The following ATP13A5 variants were observed in gnomAD, a reference collection of about 807,000 sequenced individuals.
ATP13A5 encodes the protein probable cation-transporting ATPase 13A5.
A neutral mutation model predicts 150.2 loss-of-function variants in ATP13A5; 149 were observed. That is an observed-to-expected ratio of 0.99 (90% CI 0.87 to 1.14). The LOEUF (loss-of-function observed/expected upper bound fraction) is 1.14, where lower values mean the gene tolerates loss of function less well. Ranked by LOEUF, ATP13A5 falls within the 50% of genes most tolerant of loss-of-function variation. The pLI, the probability that ATP13A5 is intolerant of heterozygous loss-of-function variation, is 0.00. For missense variants in ATP13A5, 1,383 were observed against 1,449.3 expected, an observed-to-expected ratio of 0.95 and a Z score of 0.74; for synonymous variants, 497 against 522.2, an observed-to-expected ratio of 0.95 and a Z score of 0.66.
At position 193,332,425 on chromosome 3, in the gene ATP13A5, G is replaced by A. The variant is rs528160707; in HGVS notation, c.1273-1114C>T. Among the ~76,000 whole-genome samples, 18 of 152,310 alleles carry A rather than the reference G, an allele frequency of 1.2e-4. No individual in the cohort carries two copies. The South Asian group carries it at 3.7e-3, about 32-fold the overall frequency. On this transcript the variant is annotated intron_variant, in intron 11 of 29. Coordinates refer to ENST00000342358, the MANE Select transcript of ATP13A5 (RefSeq NM_198505.4). ...GAGGAGGCTCACACAATTAAGGTCA[G>A]GGATGAGGTCAAATCACAGGGTTGA...
intron 9 of ATP13A5, among the ~76,000 whole-genome samples, chr3:193,339,236 C>G (rs1287845105): frequency 6.6e-5 from 10 of 151,996 alleles, no homozygotes. Context: ...CTATTTCCTT[C>G]AGTTCTGCTC....
chr3:193,307,426 A>G, intron 21 of ATP13A5, 57 bp from the exon 22 acceptor site: 1 of 1,589,932 alleles, frequency 6.3e-7, no homozygotes. Context: ...AGCTCACTTG[A>G]ATATTTTCCA....
chr3:193,353,550 C>T (rs781671646), intron 6 of ATP13A5, among the ~76,000 whole-genome samples: 25 of 152,066 alleles, frequency 1.6e-4, no homozygotes, highest in Non-Finnish European at 3.1e-4. Flanking sequence ...GCCCTAACCC[C>T]CAGTGTGATG....
intron 5 of ATP13A5, among the ~76,000 whole-genome samples, 156 bp from the exon 6 acceptor site, chr3:193,354,352 C>A (rs1308145616): frequency 4.6e-5 from 7 of 152,104 alleles, no homozygotes; most frequent in Non-Finnish European, 1.5e-5. Flanking sequence ...TAATTCTAAA[C>A]TACTATTTTT....
At chr3:193,300,166 CT>C (rs1160453821) in intron 24 of ATP13A5, among the ~76,000 whole-genome samples, 1 of 152,154 alleles carries the variant, frequency 6.6e-6, no homozygotes, top group Admixed American at 6.5e-5. Flanking sequence ...GTCTTCTTTA[CT>C]TTTCTTTCTC....
At chr3:193,377,557 C>T (rs896492508) in intron 1 of ATP13A5, among the ~76,000 whole-genome samples, 2 of 152,176 alleles carry the variant, frequency 1.3e-5, no homozygotes, top group Non-Finnish European at 2.9e-5. Flanking sequence ...TTCTAGTGCT[C>T]AGAAACTACA....
At chr3:193,353,977 A>G (rs1299705843) in intron 6 of ATP13A5, 150 bp downstream of exon 6, 3 of 598,996 alleles carry the variant, frequency 5.0e-6, no homozygotes, top group Non-Finnish European at 8.4e-6. Flanking sequence ...ATTTTAAAGT[A>G]AACCTGAGTT....
chr3:193,304,687 G>C (rs1221825089), intron 23 of ATP13A5, among the ~76,000 whole-genome samples: 4 of 152,212 alleles, frequency 2.6e-5, no homozygotes, highest in Non-Finnish European at 4.4e-5. Flanking sequence ...AGAAATCAGA[G>C]TGGAGTGGAG....
At chr3:193,281,261 C>G (rs1041837716) in intron 27 of ATP13A5, 126 of 946,268 alleles carry the variant, frequency 1.3e-4, no homozygotes, top group Non-Finnish European at 1.5e-4. Context: ...TGATGAAGTC[C>G]TAGACCTCAC....
intron 13 of ATP13A5, among the ~76,000 whole-genome samples, chr3:193,325,787 A>G (rs908778434): frequency 2.0e-5 from 3 of 152,124 alleles, no homozygotes; most frequent in Non-Finnish European, 2.9e-5. Flanking sequence ...GGTATCTTGT[A>G]TCTTCCTCTC....
chr3:193,324,099 A>T (rs1719385397), intron 14 of ATP13A5: 1 of 152,156 alleles, frequency 6.6e-6, no homozygotes, highest in South Asian at 2.1e-4. Context: ...CGTACAGATG[A>T]GGTCACAGAC....
At position 193,311,220 on chromosome 3, in the gene ATP13A5, A is replaced by G. The variant is rs1038565315; in HGVS notation, c.2446-503T>C. 3.9e-5 allele frequency among the ~76,000 whole-genome samples: 6 copies of G among 152,202 alleles called. No individual in the cohort carries two copies. In the South Asian group the frequency reaches 6.2e-4, roughly 16 times the overall value. On this transcript the variant is annotated intron_variant, in intron 20 of 29. Coordinates refer to ENST00000342358, the MANE Select transcript of ATP13A5 (RefSeq NM_198505.4). ...AGCTTTCTAGAAGCCTTTGGGGTCTAGATTCTGTGGACTTTGACTGCTAGG... is the reference window on the plus strand; with the variant it reads ...AGCTTTCTAGAAGCCTTTGGGGTCTGGATTCTGTGGACTTTGACTGCTAGG...
At position 193,350,980 on chromosome 3, in the gene ATP13A5, C is replaced by A. The variant is rs1034560453; in HGVS notation, c.741+87G>T. 23 of 1,472,096 alleles carry A rather than the reference C, an allele frequency of 1.6e-5. No individual in the cohort carries two copies. In the Admixed American group the frequency reaches 4.7e-4, roughly 30 times the overall value. 91.2% of individuals were successfully genotyped at this position (1,472,096 alleles called of 1,614,324 possible). On this transcript the variant is annotated intron_variant, in intron 7 of 29. Coordinates refer to ENST00000342358, the MANE Select transcript of ATP13A5 (RefSeq NM_198505.4). ...GTTTTATGACTTATGGTTGACAAAG[C>A]AACTCCTGGCTCTCAGTGGAAATAC...
intron 17 of ATP13A5, among the ~76,000 whole-genome samples, chr3:193,318,455 G>A (rs1577346581): frequency 6.6e-6 from 1 of 152,168 alleles, no homozygotes; most frequent in Non-Finnish European, 1.5e-5. Flanking sequence ...TCCCTGTAAT[G>A]TAATTAAGAA....
chr3:193,303,800 A>T (rs529944866), intron 23 of ATP13A5, among the ~76,000 whole-genome samples: 1 of 151,300 alleles, frequency 6.6e-6, no homozygotes, highest in East Asian at 1.9e-4. Flanking sequence ...TGTGTATATA[A>T]ATATATATAC....
Position 193,362,395 on chromosome 3 carries a change from T to A in ATP13A5, c.522A>T (p.Glu174Asp). ...HQTFGLGLTS[E>D]EQEVRRLVCG... is the part of the protein sequence containing the mutation. ...ATAAGTCCTACCTGACCTCTTGCTC[T>A]TCACTGGTCAGACCCAATCCAAATG... Residue 174 changes from glutamate (E) to aspartate (D), a missense_variant, in exon 5 of 30, where the codon GAA becomes GAT. Glu to Asp is a conservative substitution (Grantham distance 45). Transcript: ENST00000342358. The A allele has an allele frequency of 6.2e-7, 1 of 1,614,086 alleles. No individual in the cohort carries two copies. Among genetic ancestry groups the A allele is most frequent in the Non-Finnish European group, 8.5e-7 (1 of 1,179,942 alleles).
chr3:193,284,798 A>G, intron 27 of ATP13A5, 116 bp downstream of exon 27: 1 of 878,714 alleles, frequency 1.1e-6, no homozygotes, highest in East Asian at 2.7e-5. Context: ...CAACAATTTT[A>G]GAGTCATGCA....
At chr3:193,304,337 G>A (rs891361655) in intron 23 of ATP13A5, among the ~76,000 whole-genome samples, 1 of 152,064 alleles carries the variant, frequency 6.6e-6, no homozygotes, top group Non-Finnish European at 1.5e-5. Context: ...AAGGACACAC[G>A]TGCAGACACC....
At position 193,311,906 on chromosome 3, in the gene ATP13A5, A is replaced by AGG; in HGVS notation, c.2353_2354dup (p.Arg786LeufsTer13). On this transcript the variant is annotated frameshift_variant, in exon 20 of 30. Coordinates refer to ENST00000342358, the MANE Select transcript of ATP13A5 (RefSeq NM_198505.4). LOFTEE classifies it high-confidence loss of function. ...GGTAACAGCTTCCTCCTTCCCCACGAGGGGTTGAACTGTTTCCAGTATGCA... is the reference window on the plus strand; with the variant it reads ...GGTAACAGCTTCCTCCTTCCCCACGAGGGGGGTTGAACTGTTTCCAGTATGCA... The AGG allele has an allele frequency of 6.2e-7, 1 of 1,613,906 alleles. No individual in the cohort carries two copies.
Sources: allele counts gnomAD v4.1 joint callset (sites outside exome capture counted in the v4.1 genomes callset), GRCh38; gene constraint gnomAD v4.1.1; transcripts MANE v1.5; gene names NCBI Gene and HGNC (gene_info 2026-07-23, HGNC 2026-07-21).